Variants in ANKS1B observed in about 807,000 individuals in gnomAD.
ANKS1B encodes the protein ankyrin repeat and sterile alpha motif domain-containing protein 1B.
ANKS1B carries 36 observed loss-of-function variants against 148.3 expected under a neutral mutation model. The ratio of observed to expected loss-of-function variants is 0.24; its 90% CI spans 0.19 to 0.32. ANKS1B has a LOEUF of 0.32. Ranked by LOEUF, ANKS1B falls within the 10% of genes least tolerant of loss-of-function variation. The pLI is 1.00. For synonymous variants in ANKS1B, 542 were observed against 560.8 expected, an observed-to-expected ratio of 0.97 and a Z score of 0.47; for missense variants, 1,157 against 1,542.6, an observed-to-expected ratio of 0.75 and a Z score of 4.19.
intron 9 of ANKS1B, among the ~76,000 whole-genome samples, chr12:99,515,083 A>G (rs892120269): frequency 6.6e-6 from 1 of 151,928 alleles, no homozygotes; most frequent in South Asian, 2.1e-4. Flanking sequence ...GGTACATTTG[A>G]TATTTTGATA....
At chr12:99,584,790 CT>C (rs2153230994) in intron 9 of ANKS1B, among the ~76,000 whole-genome samples, 1 of 152,120 alleles carries the variant, frequency 6.6e-6, no homozygotes, top group South Asian at 2.1e-4. Context: ...GGGAACTGCC[CT>C]TTATAAAACC....
chr12:99,517,926 G>A (rs2096838315), intron 9 of ANKS1B, among the ~76,000 whole-genome samples: 1 of 152,058 alleles, frequency 6.6e-6, no homozygotes, highest in Non-Finnish European at 1.5e-5. Context: ...TTTCTGTGAT[G>A]AAAGGATGTT....
intron 15 of ANKS1B, among the ~76,000 whole-genome samples, chr12:99,118,098 T>C (rs1340369735): frequency 6.6e-6 from 1 of 152,214 alleles, no homozygotes; most frequent in East Asian, 1.9e-4. Flanking sequence ...ATGATTAAAG[T>C]AGCAGGATAG....
chr12:98,793,875 G>A (rs1371354285), intron 22 of ANKS1B, among the ~76,000 whole-genome samples: 7 of 152,170 alleles, frequency 4.6e-5, no homozygotes, highest in Non-Finnish European at 1.0e-4. Context: ...GCAAAATTCA[G>A]GGTTCGGGAT....
chr12:99,434,183 T>C (rs1056801988), intron 11 of ANKS1B, among the ~76,000 whole-genome samples: 3 of 152,094 alleles, frequency 2.0e-5, no homozygotes, highest in African/African-American at 4.8e-5. Context: ...GAAGATGTAA[T>C]TGACTGCACC....
At chr12:98,894,810 G>A (rs1319686637) in intron 17 of ANKS1B, 2 of 983,876 alleles carry the variant, frequency 2.0e-6, no homozygotes, top group Non-Finnish European at 2.4e-6. Context: ...GGAAGGGCGG[G>A]AGAGGCGCGG....
At position 98,839,581 on chromosome 12, in the gene ANKS1B, C is replaced by T. The variant is rs1423610062; in HGVS notation, c.2779-7445G>A. 2.0e-5 allele frequency among the ~76,000 whole-genome samples: 3 copies of T among 152,266 alleles called. No homozygotes were observed. In the East Asian group the frequency reaches 5.8e-4, roughly 29 times the overall value. On this transcript the variant is annotated intron_variant, in intron 17 of 26. Transcript: ENST00000683438. Reference sequence around the variant, plus strand: ...TTTTAAGTATAACAGAAACTTAAAACTTTCTTACCCTATCAACAATATTTA... The same window carrying T: ...TTTTAAGTATAACAGAAACTTAAAATTTTCTTACCCTATCAACAATATTTA...
At chr12:98,857,165 G>A (rs929438895) in intron 17 of ANKS1B, among the ~76,000 whole-genome samples, 5 of 152,304 alleles carry the variant, frequency 3.3e-5, no homozygotes, top group African/African-American at 1.2e-4. Context: ...GCACAGAGGA[G>A]GAAGTAGTTA....
chr12:99,580,129 T>C (rs1188832344), intron 9 of ANKS1B, among the ~76,000 whole-genome samples: 1 of 152,170 alleles, frequency 6.6e-6, no homozygotes, highest in Non-Finnish European at 1.5e-5. Context: ...TTGTCACTTA[T>C]AAGTGACAGC....
Position 99,236,708 on chromosome 12 carries a change from G to C in ANKS1B, c.2419+7634C>G, listed in dbSNP as rs551782471. The stretch of plus-strand genomic sequence containing the variant: ...GAACTTCTGATACTATGTTGAATAG[G>C]AATAAGGAGGGCATGCTTGTCTTGT... On this transcript the variant is annotated intron_variant, in intron 14 of 26. Coordinates refer to ENST00000683438, the MANE Select transcript of ANKS1B (RefSeq NM_001352186.2). Among the ~76,000 whole-genome samples, 3 of 152,170 alleles carry C rather than the reference G, an allele frequency of 2.0e-5. No individual in the cohort carries two copies. The South Asian group carries it at 6.2e-4, about 32-fold the overall frequency.
chr12:98,789,791 C>T (rs1008793538), intron 22 of ANKS1B, among the ~76,000 whole-genome samples: 1 of 152,164 alleles, frequency 6.6e-6, no homozygotes, highest in South Asian at 2.1e-4. Flanking sequence ...TTGTAACCAA[C>T]CACCACAAAT....
intron 11 of ANKS1B, among the ~76,000 whole-genome samples, chr12:99,420,111 A>G (rs1456658584): frequency 6.6e-6 from 1 of 152,216 alleles, no homozygotes; most frequent in Non-Finnish European, 1.5e-5. Context: ...CTGAGTGTCA[A>G]AGATACTCAG....
In ANKS1B at chr12:99,322,177, TA is replaced by T. The variant is rs375357121; in HGVS notation, c.1757-75314del. Among the ~76,000 whole-genome samples the T allele has an allele frequency of 2.5e-3, 373 of 151,942 alleles. 7 individuals carry two copies. In the East Asian group the frequency reaches 0.032, roughly 13 times the overall value. On this transcript the variant is annotated intron_variant, in intron 12 of 26. Transcript: ENST00000683438. ...TATACCATGGAATACTATGCAGCCA[TA>T]AAAAAATGAGACTATGTCCTTAGCA...
At chr12:99,422,067 G>A (rs10860437) in intron 11 of ANKS1B, among the ~76,000 whole-genome samples, 20,363 of 152,116 alleles carry the variant, frequency 0.13, 1,570 homozygotes, top group African/African-American at 0.2. Flanking sequence ...CTGCAGAACC[G>A]TGAGCCAATT....
intron 9 of ANKS1B, among the ~76,000 whole-genome samples, chr12:99,632,767 A>ATATATATATATT (rs1441486862): frequency 0.013 from 913 of 71,100 alleles, 54 homozygotes; most frequent in Non-Finnish European, 0.016. Flanking sequence ...ATATATATAT[A>ATATATATATATT]TTTTAATTAT....
chr12:99,734,529 G>C (rs899948209), intron 8 of ANKS1B, among the ~76,000 whole-genome samples: 3 of 151,998 alleles, frequency 2.0e-5, no homozygotes, highest in East Asian at 1.9e-4. Flanking sequence ...CCTGATCTCA[G>C]GTGATCCGCC....
At chr12:99,261,876 C>A (rs2075962036) in intron 12 of ANKS1B, among the ~76,000 whole-genome samples, 1 of 152,102 alleles carries the variant, frequency 6.6e-6, no homozygotes, top group Admixed American at 6.6e-5. Context: ...CTTACAATAA[C>A]CTGTGAGGCC....
At chr12:99,045,520 C>A (rs1447515271) in intron 17 of ANKS1B, among the ~76,000 whole-genome samples, 2 of 152,134 alleles carry the variant, frequency 1.3e-5, no homozygotes, top group Non-Finnish European at 2.9e-5. Context: ...ACTTGAGGAG[C>A]TTTTAAGACC....
chr12:98,847,839 G>C (rs987173097), intron 17 of ANKS1B, among the ~76,000 whole-genome samples: 3 of 152,050 alleles, frequency 2.0e-5, no homozygotes, highest in African/African-American at 7.2e-5. Flanking sequence ...TAGGTGATTT[G>C]CCCGCCTCAG....
Sources: allele counts gnomAD v4.1 joint callset (sites outside exome capture counted in the v4.1 genomes callset), GRCh38; gene constraint gnomAD v4.1.1; transcripts MANE v1.5; gene names NCBI Gene and HGNC (gene_info 2026-07-23, HGNC 2026-07-21).